Variants in MCTP1 observed in about 807,000 individuals in gnomAD.
The protein encoded by MCTP1 is multiple C2 and transmembrane domain-containing protein 1.
In MCTP1, 69 loss-of-function variants were observed where a neutral mutation model predicts 120.6. The observed-to-expected ratio is 0.57, with a 90% CI of 0.47 to 0.70. The LOEUF (loss-of-function observed/expected upper bound fraction) is 0.70. Ranked by LOEUF, MCTP1 falls within the 30% of genes least tolerant of loss-of-function variation. The pLI, the probability that MCTP1 is intolerant of heterozygous loss-of-function variation, is 0.00. For synonymous variants in MCTP1, 529 were observed against 493.1 expected (o/e 1.07, Z -0.96); for missense variants, 1,203 against 1,248.8 (o/e 0.96, Z 0.55).
chr5:95,224,061 G>A (rs1753986589), intron 1 of MCTP1, among the ~76,000 whole-genome samples: 1 of 152,130 alleles, frequency 6.6e-6, no homozygotes, highest in Admixed American at 6.5e-5. Context: ...AGTACAAATA[G>A]GGGAAACTCC....
intron 3 of MCTP1, among the ~76,000 whole-genome samples, chr5:94,949,856 G>A (rs945019414): frequency 6.6e-6 from 1 of 152,012 alleles, no homozygotes; most frequent in Non-Finnish European, 1.5e-5. Context: ...GAGGATGTGG[G>A]CATCATATCA....
In MCTP1 at chr5:95,026,957, C is replaced by T. The variant is rs561292584; in HGVS notation, c.721-9473G>A. Among the ~76,000 whole-genome samples the T allele has an allele frequency of 2.0e-3, 299 of 152,308 alleles. 1 individual carries two copies. The highest frequency in any genetic ancestry group is 2.1e-3 in the Non-Finnish European group (140 of 68,026). On this transcript the variant is annotated intron_variant, in intron 1 of 22. Coordinates refer to ENST00000515393, the MANE Select transcript of MCTP1 (RefSeq NM_024717.7). ...TCTACTTAGTCATCTCTTCTACTTT[C>T]TATGACACTGAAAACATGTGTACAG...
intron 1 of MCTP1, among the ~76,000 whole-genome samples, chr5:95,143,719 C>T (rs1760130457): frequency 6.6e-6 from 1 of 152,158 alleles, no homozygotes; most frequent in East Asian, 1.9e-4. Flanking sequence ...ATCCATGTTG[C>T]TGCAAAGGAC....
At chr5:95,216,235 T>C (rs1278203355) in intron 1 of MCTP1, among the ~76,000 whole-genome samples, 17 of 152,226 alleles carry the variant, frequency 1.1e-4, no homozygotes, top group Admixed American at 1.1e-3. Context: ...GAAATGCCTT[T>C]GTGTCATGTT....
intron 1 of MCTP1, among the ~76,000 whole-genome samples, chr5:95,084,545 T>G (rs1755284422): frequency 6.6e-6 from 1 of 151,452 alleles, no homozygotes; most frequent in South Asian, 2.1e-4. Flanking sequence ...TGTTTTTTTT[T>G]TTTTTCCTCT....
intron 18 of MCTP1, among the ~76,000 whole-genome samples, chr5:94,793,892 C>T (rs180909390): frequency 5.1e-4 from 78 of 152,354 alleles, no homozygotes; most frequent in African/African-American, 1.9e-3. Context: ...CAGAGTGCTG[C>T]TCTTAGGAGC....
intron 2 of MCTP1, among the ~76,000 whole-genome samples, chr5:94,997,343 C>T (rs915440029): frequency 2.0e-5 from 3 of 152,122 alleles, no homozygotes; most frequent in African/African-American, 7.2e-5. Flanking sequence ...TCTTAAACCC[C>T]TTTCCTAGGA....
chr5:95,275,076 T>A (rs1759719658), intron 1 of MCTP1, among the ~76,000 whole-genome samples: 1 of 152,170 alleles, frequency 6.6e-6, no homozygotes, highest in Non-Finnish European at 1.5e-5. Context: ...GTCATATTGA[T>A]GCTTACATGT....
Position 94,707,473 on chromosome 5 carries a change from G to T in MCTP1, c.*23C>A, listed in dbSNP as rs1358072180. The T allele has an allele frequency of 1.9e-6, 3 of 1,570,204 alleles. No homozygotes were observed. The highest frequency in any genetic ancestry group is 2.6e-6 in the Non-Finnish European group (3 of 1,142,920). ...CTTTTATCTTCCCAAACAGATGCTG[G>T]TCTCCTCAGTGCTGGGAGCTGGCTA... On this transcript the variant is annotated 3_prime_UTR_variant, in exon 23 of 23. Transcript: ENST00000515393.
chr5:95,138,471 G>A (rs570838970), intron 1 of MCTP1, among the ~76,000 whole-genome samples: 3 of 152,060 alleles, frequency 2.0e-5, no homozygotes, highest in Non-Finnish European at 4.4e-5. Flanking sequence ...TAAATTAGTC[G>A]CATACACAAA....
intron 1 of MCTP1, among the ~76,000 whole-genome samples, chr5:95,251,546 T>C (rs1014906041): frequency 1.3e-5 from 2 of 152,172 alleles, no homozygotes; most frequent in Non-Finnish European, 2.9e-5. Context: ...ACTCCATAAA[T>C]ACATGTGGAT....
Position 95,247,491 on chromosome 5 carries a change from G to T in MCTP1, c.720+36365C>A, listed in dbSNP as rs529836857. 1.1e-3 allele frequency among the ~76,000 whole-genome samples: 163 copies of T among 151,984 alleles called. 1 individual carries two copies. The highest frequency in any genetic ancestry group is 2.3e-3 in the South Asian group (11 of 4,800). The stretch of plus-strand genomic sequence containing the variant: ...CTTTTAATTGTGATGTTAGGGTGTC[G>T]ATTTTAGATCTTTCCTGCTTTCTCT... On this transcript the variant is annotated intron_variant, in intron 1 of 22. Transcript: ENST00000515393.
intron 10 of MCTP1, among the ~76,000 whole-genome samples, chr5:94,899,113 T>C (rs552164522): frequency 6.6e-6 from 1 of 152,260 alleles, no homozygotes; most frequent in East Asian, 1.9e-4. Context: ...CAAAGAGCAG[T>C]AGGGTGTGCC....
intron 19 of MCTP1, among the ~76,000 whole-genome samples, chr5:94,772,854 T>G (rs1034810880): frequency 5.9e-5 from 9 of 152,166 alleles, no homozygotes; most frequent in Non-Finnish European, 5.9e-5. Context: ...GGATGCCAAA[T>G]TTGGAATCAG....
chr5:95,135,777 T>A (rs1382923013), intron 1 of MCTP1, among the ~76,000 whole-genome samples: 1 of 152,196 alleles, frequency 6.6e-6, no homozygotes, highest in Non-Finnish European at 1.5e-5. Flanking sequence ...AAACTCCCCT[T>A]TATATATATG....
chr5:94,784,915 T>A (rs1056876537), intron 18 of MCTP1: 20 of 152,106 alleles, frequency 1.3e-4, no homozygotes, highest in African/African-American at 4.6e-4. Flanking sequence ...TTCTGGGAAG[T>A]GCCACGTTGT....
At chr5:95,101,483 A>G (rs1010315957) in intron 1 of MCTP1, among the ~76,000 whole-genome samples, 2 of 152,222 alleles carry the variant, frequency 1.3e-5, no homozygotes, top group African/African-American at 4.8e-5. Flanking sequence ...TACTTTCGGT[A>G]GTTGGTGCCA....
intron 1 of MCTP1, among the ~76,000 whole-genome samples, chr5:95,067,881 C>T (rs535776801): frequency 1.3e-5 from 2 of 152,260 alleles, no homozygotes; most frequent in South Asian, 2.1e-4. Context: ...TGCAATAGAT[C>T]ACTACAACTT....
intron 1 of MCTP1, among the ~76,000 whole-genome samples, chr5:95,192,751 T>C (rs1749962631): frequency 6.6e-6 from 1 of 152,100 alleles, no homozygotes; most frequent in South Asian, 2.1e-4. Flanking sequence ...AGGCTTTAAT[T>C]AAAGAGTATC....
Sources: allele counts gnomAD v4.1 joint callset (sites outside exome capture counted in the v4.1 genomes callset), GRCh38; gene constraint gnomAD v4.1.1; transcripts MANE v1.5; gene names NCBI Gene and HGNC (gene_info 2026-07-23, HGNC 2026-07-21).